Variants in ERG observed in about 807,000 individuals in gnomAD.
The protein encoded by ERG is transcriptional regulator ERG.
A neutral mutation model predicts 55.3 loss-of-function variants in ERG; 9 were observed. The observed-to-expected ratio is 0.16, with a 90% CI of 0.10 to 0.28. The LOEUF (loss-of-function observed/expected upper bound fraction) is 0.28. Among genes scored for constraint, ERG ranks in the 10% least tolerant of loss-of-function variants. ERG has a pLI of 1.00. For missense variants in ERG, 434 were observed against 631.6 expected (o/e 0.69, Z 3.35); for synonymous variants, 223 against 237.3 (o/e 0.94, Z 0.55).
At chr21:38,477,269 G>A (rs532696979) in intron 1 of ERG, among the ~76,000 whole-genome samples, 8 of 152,132 alleles carry the variant, frequency 5.3e-5, no homozygotes, top group Non-Finnish European at 1.2e-4. Context: ...CTCCCAAAAT[G>A]TTGGGATGAC....
intron 2 of ERG, among the ~76,000 whole-genome samples, chr21:38,541,748 ATTC>A (rs1340637685): frequency 2.6e-5 from 4 of 152,186 alleles, no homozygotes; most frequent in Non-Finnish European, 5.9e-5. Context: ...AATGCACATT[ATTC>A]TTCTTAAAAA....
chr21:38,492,613 G>T (rs1420993200), intron 1 of ERG, among the ~76,000 whole-genome samples: 2 of 152,142 alleles, frequency 1.3e-5, no homozygotes, highest in African/African-American at 4.8e-5. Flanking sequence ...CAGCTTCTGC[G>T]ATATCAGTGG....
chr21:38,441,948 G>A (rs958048431), intron 2 of ERG, among the ~76,000 whole-genome samples: 2 of 152,190 alleles, frequency 1.3e-5, no homozygotes, highest in African/African-American at 2.4e-5. Flanking sequence ...GGATGAAGAG[G>A]ATGACATGAT....
downstream of ERG, among the ~76,000 whole-genome samples, chr21:38,379,050 G>GCC (rs1467487408): frequency 1.3e-5 from 2 of 152,202 alleles, no homozygotes; most frequent in African/African-American, 4.8e-5. Context: ...CCAAAACGCT[G>GCC]AAGTCTTTTC....
upstream of ERG, among the ~76,000 whole-genome samples, chr21:38,589,028 G>A (rs983199909): frequency 6.6e-6 from 1 of 152,108 alleles, no homozygotes; most frequent in African/African-American, 2.4e-5. Flanking sequence ...ACCATGCCCA[G>A]CAAAGGCATT....
intron 3 of ERG, among the ~76,000 whole-genome samples, chr21:38,420,303 CGTGTGT>C (rs34803336): frequency 2.7e-5 from 4 of 148,610 alleles, no homozygotes; most frequent in Admixed American, 6.8e-5. Flanking sequence ...TGTGTGTGTG[CGTGTGT>C]GTGTGTGTGT....
intron 1 of ERG, among the ~76,000 whole-genome samples, chr21:38,477,960 T>A (rs187646576): frequency 6.6e-6 from 1 of 152,376 alleles, no homozygotes; most frequent in East Asian, 1.9e-4. Flanking sequence ...CATGATGACC[T>A]GAGATAGCTA....
chr21:38,399,684 T>C (rs896277933), intron 6 of ERG, among the ~76,000 whole-genome samples: 3 of 152,234 alleles, frequency 2.0e-5, no homozygotes, highest in African/African-American at 7.2e-5. Context: ...CCCTTTGCCA[T>C]GTGGCCATTC....
intron 1 of ERG, among the ~76,000 whole-genome samples, chr21:38,625,556 A>T (rs1419485570): frequency 2.0e-5 from 3 of 152,132 alleles, no homozygotes; most frequent in Non-Finnish European, 4.4e-5. Flanking sequence ...AAGGTGCTAG[A>T]CCAGGAGTGT....
intron 9 of ERG, among the ~76,000 whole-genome samples, chr21:38,388,700 T>C (rs1237213255): frequency 1.3e-5 from 2 of 152,152 alleles, no homozygotes; most frequent in Non-Finnish European, 2.9e-5. Context: ...AAATCAAAGA[T>C]GGGATGTTGC....
rs1323443939 is a variant in ERG, at chr21:38,403,981, G to T, written c.389-272C>A. On this transcript the variant is annotated intron_variant, in intron 3 of 9. Coordinates refer to ENST00000288319, the MANE Select transcript of ERG (RefSeq NM_182918.4). ...TTGCTCAATCTAAAGTTTCCTGTAG[G>T]CATAAGATTTTAAAAATTCTTTTTT... Among the ~76,000 whole-genome samples the T allele has an allele frequency of 2.0e-5, 3 of 152,050 alleles. No homozygotes were observed. The East Asian group carries it at 5.8e-4, about 29-fold the overall frequency.
intron 2 of ERG, among the ~76,000 whole-genome samples, chr21:38,439,044 A>G (rs1050094161): frequency 1.2e-4 from 18 of 152,066 alleles, no homozygotes; most frequent in Non-Finnish European, 2.9e-5. Context: ...AGAATCAAAC[A>G]TGGCAATGGC....
chr21:38,645,611 C>T (rs981359570), intron 1 of ERG, among the ~76,000 whole-genome samples: 1 of 152,276 alleles, frequency 6.6e-6, no homozygotes, highest in Admixed American at 6.5e-5. Flanking sequence ...CAAACTAACT[C>T]TATCTGTAAG....
rs1454509493 is a variant in ERG at position 38,382,409 on chromosome 21, G to A, written c.*994C>T. ...AACAAAGCCCCCACATAATGATGAG[G>A]TCCTGAATGTTTCTCTTAAATATCA... On this transcript the variant is annotated 3_prime_UTR_variant, in exon 10 of 10. Transcript: ENST00000288319. 2.8e-6 allele frequency: 3 copies of A among 1,060,596 alleles called. No individual in the cohort carries two copies. The highest frequency in any genetic ancestry group is 3.4e-6 in the Non-Finnish European group (3 of 876,140). 65.7% of individuals were successfully genotyped at this position (1,060,596 alleles called of 1,614,324 possible).
At chr21:38,504,237 T>C (rs1307734417) in intron 2 of ERG, among the ~76,000 whole-genome samples, 7 of 152,192 alleles carry the variant, frequency 4.6e-5, no homozygotes, top group Non-Finnish European at 1.0e-4. Flanking sequence ...AGTTGCAATT[T>C]CCTTAATACT....
chr21:38,433,600 A>G (rs1601396088), intron 2 of ERG, among the ~76,000 whole-genome samples: 1 of 152,356 alleles, frequency 6.6e-6, no homozygotes, highest in South Asian at 2.1e-4. Context: ...AGAACCCGCA[A>G]TGAAATGGCA....
chr21:38,399,592 G>A (rs1469460607), intron 6 of ERG, among the ~76,000 whole-genome samples: 1 of 152,208 alleles, frequency 6.6e-6, no homozygotes, highest in Admixed American at 6.5e-5. Flanking sequence ...CCAGGGAGAG[G>A]ACAAATGCTA....
In ERG at chr21:38,381,628, T is replaced by G; in HGVS notation, c.*1775A>C. On this transcript the variant is annotated 3_prime_UTR_variant, in exon 10 of 10. Transcript: ENST00000288319. The stretch of plus-strand genomic sequence containing the variant: ...TTTATTTGCCAGTAATAATACAGTT[T>G]GCCTTACGAGTGGTAGCTTGTTCAC... The G allele has an allele frequency of 9.4e-7, 1 of 1,063,538 alleles. No individual in the cohort carries two copies. The highest frequency in any genetic ancestry group is 1.1e-6 in the Non-Finnish European group (1 of 878,164). 65.9% of individuals were successfully genotyped at this position (1,063,538 alleles called of 1,614,324 possible). A position where few individuals can be genotyped will look rare whatever the true frequency, so the allele number is the denominator to read the frequency against.
At chr21:38,562,281 C>T (rs1440507365) in intron 2 of ERG, among the ~76,000 whole-genome samples, 1 of 152,158 alleles carries the variant, frequency 6.6e-6, no homozygotes, top group Non-Finnish European at 1.5e-5. Flanking sequence ...AATACTTTTT[C>T]TTTCTGTATG....
Sources: allele counts gnomAD v4.1 joint callset (sites outside exome capture counted in the v4.1 genomes callset), GRCh38; gene constraint gnomAD v4.1.1; transcripts MANE v1.5; gene names NCBI Gene and HGNC (gene_info 2026-07-23, HGNC 2026-07-21).